The following BSN variants were observed in gnomAD, a reference collection of about 807,000 sequenced individuals.
The protein encoded by BSN is protein bassoon.
In BSN, 57 loss-of-function variants were observed where a neutral mutation model predicts 264.8. That is an observed-to-expected ratio of 0.22 (90% CI 0.17 to 0.27). BSN has a LOEUF of 0.27. Among genes scored for constraint, BSN ranks in the 10% least tolerant of loss-of-function variants. The probability of loss-of-function intolerance (pLI) is 1.00; values close to 1 mark genes in which losing one functional copy is unlikely to be tolerated. For synonymous variants in BSN, 2,059 were observed against 2,137.3 expected, an observed-to-expected ratio of 0.96 and a Z score of 1.01; for missense variants, 4,615 against 5,232.5, an observed-to-expected ratio of 0.88 and a Z score of 3.64.
At chr3:49,578,196 T>C (rs956475398) in intron 1 of BSN, among the ~76,000 whole-genome samples, 8 of 152,052 alleles carry the variant, frequency 5.3e-5, no homozygotes, top group Non-Finnish European at 1.2e-4. Flanking sequence ...GGACCGTCCT[T>C]GTTGCCCACC....
chr3:49,661,686 C>A lies in BSN; in HGVS notation c.9841C>A (p.Pro3281Thr), dbSNP rs1233278204. 1 of 1,613,750 alleles carries A rather than the reference C, an allele frequency of 6.2e-7. No homozygotes were observed. Among genetic ancestry groups the A allele is most frequent in the East Asian group, 2.2e-5 (1 of 44,890 alleles). Residue 3281 changes from proline (P) to threonine (T), a missense_variant, in exon 6 of 12, where the codon CCC becomes ACC. This residue lies in a region of BSN where 3,415 missense variants were observed against 3,866.4 expected (regional missense o/e 0.88). Coordinates refer to ENST00000296452, the MANE Select transcript of BSN (RefSeq NM_003458.4). ...AGGTGTCCTTGACGGGCCCACACTG[C>A]CCTGCTGCTATGCCAGAGGAGAAGA... is the stretch of plus-strand genomic sequence containing the variant. ...EPGVLDGPTL[P>T]CCYARGEEES...
chr3:49,662,484 G>A lies in BSN; in HGVS notation c.10639G>A (p.Gly3547Arg), dbSNP rs768379226. The change falls in exon 6 of 12, where the codon GGA (glycine) becomes AGA (arginine). Residue 3547 changes from glycine (G) to arginine (R), a missense_variant. Transcript: ENST00000296452. The part of the protein sequence containing the change: ...MPDVQEHVKD[G>R]PRAHAYKREE... ...TGATGTCCAGGAACATGTCAAGGAC[G>A]GACCTCGGGCCCACGCATATAAGCG... is the stretch of plus-strand genomic sequence containing the variant. 4 of 1,613,488 alleles carry A rather than the reference G, an allele frequency of 2.5e-6. No individual in the cohort carries two copies. The highest frequency in any genetic ancestry group is 1.6e-4 in the Middle Eastern group (1 of 6,084).
intron 1 of BSN, among the ~76,000 whole-genome samples, chr3:49,594,931 AC>A (rs2052010049): frequency 1.4e-5 from 2 of 147,754 alleles, no homozygotes; most frequent in African/African-American, 5.0e-5. Flanking sequence ...TTGCTCTGTC[AC>A]CAGGCTGGAG....
In BSN at chr3:49,651,740, G is replaced by T. The variant is rs1360722593; in HGVS notation, c.2184G>T (p.Gly728=). The T allele has an allele frequency of 6.2e-7, 1 of 1,613,702 alleles. No homozygotes were observed. Among genetic ancestry groups the T allele is most frequent in the South Asian group, 1.1e-5 (1 of 91,056 alleles). The change falls in exon 5 of 12, where the codon GGG becomes GGT. Residue 728 remains glycine, a synonymous_variant. Transcript: ENST00000296452. The surrounding 1 kb of genome is among the most constrained non-coding windows in gnomAD (Gnocchi z 5.4). The part of the protein sequence containing the change: ...PPSPSEIHKV[G]SSMRPLLQAQ... ...GCCCCTCCGAGATCCACAAGGTGGG[G>T]AGCAGCATGCGGCCTTTGCTGCAGG...
chr3:49,650,678 AC>A lies in BSN; in HGVS notation c.1591del (p.Leu531CysfsTer11). 4 of 1,609,568 alleles carry A rather than the reference AC, an allele frequency of 2.5e-6. No homozygotes were observed. The highest frequency in any genetic ancestry group is 1.3e-5 in the African/African-American group (1 of 74,606). On this transcript the variant is annotated frameshift_variant, in exon 4 of 12. Transcript: ENST00000296452. LOFTEE classifies it high-confidence loss of function. ...ACTGGAGGGCAGCCTAGGAGAGCCG[AC>A]CCCCCTGCCGCCGCCCACCTCACAG... is the stretch of plus-strand genomic sequence containing the variant. ...RLLEGSLGEP[T>X]PLPPPTSQQP...
intron 1 of BSN, among the ~76,000 whole-genome samples, chr3:49,590,876 T>C (rs1234971256): frequency 1.3e-5 from 2 of 151,346 alleles, no homozygotes; most frequent in Non-Finnish European, 2.9e-5. Flanking sequence ...GAGGCCGAGG[T>C]GGGTGGGTCA....
chr3:49,590,071 C>T (rs1198257393), intron 1 of BSN, among the ~76,000 whole-genome samples: 4 of 151,672 alleles, frequency 2.6e-5, no homozygotes, highest in Non-Finnish European at 4.4e-5. Flanking sequence ...CTCTTAACCT[C>T]GTGATCTGCC....
chr3:49,656,839 A>ACCAGGT lies in BSN; in HGVS notation c.7283_7284insCCAGGT (p.Gln2428delinsHisGlnVal), dbSNP rs774512740. 6.2e-7 allele frequency: 1 copy of ACCAGGT among 1,600,694 alleles called. No homozygotes were observed. Among genetic ancestry groups the ACCAGGT allele is most frequent in the Non-Finnish European group, 8.5e-7 (1 of 1,174,228 alleles). The stretch of plus-strand genomic sequence containing the variant: ...CAGACCATCAAGCACCATGTGCTGC[A>ACCAGGT]GCAGCAGCAAGAGGAACGCCAGGCT... On this transcript the variant is annotated protein_altering_variant, in exon 5 of 12. Coordinates refer to ENST00000296452, the MANE Select transcript of BSN (RefSeq NM_003458.4).
At chr3:49,564,971 C>G (rs1380665831) in intron 1 of BSN, among the ~76,000 whole-genome samples, 2 of 150,148 alleles carry the variant, frequency 1.3e-5, no homozygotes, top group African/African-American at 2.5e-5. Context: ...ATGAAAATTT[C>G]AAACACACAT....
chr3:49,604,460 T>G (rs2052095448), intron 1 of BSN, among the ~76,000 whole-genome samples: 1 of 152,208 alleles, frequency 6.6e-6, no homozygotes. Flanking sequence ...TAAGTGGAAT[T>G]CTACAGTATT....
At chr3:49,664,590 C>A in intron 9 of BSN, 36 bp downstream of exon 9, 1 of 1,566,250 alleles carries the variant, frequency 6.4e-7, no homozygotes, top group South Asian at 1.2e-5. Context: ...TGGTGGGTGG[C>A]TACTCTGGTA....
At chr3:49,597,225 A>G (rs1055475033) in intron 1 of BSN, among the ~76,000 whole-genome samples, 16 of 152,092 alleles carry the variant, frequency 1.1e-4, no homozygotes, top group Admixed American at 1.0e-3. Flanking sequence ...TCTGTTCTTC[A>G]GATTGCCCAG....
In BSN at chr3:49,653,371, A is replaced by G; in HGVS notation, c.3815A>G (p.Gln1272Arg). Residue 1272 changes from glutamine to arginine, a missense_variant, in exon 5 of 12, where the codon CAG (glutamine) becomes CGG (arginine). Physicochemically the swap from Gln to Arg is conservative, Grantham distance 43. Coordinates refer to ENST00000296452, the MANE Select transcript of BSN (RefSeq NM_003458.4). The surrounding 1 kb of genome is among the most constrained non-coding windows in gnomAD (Gnocchi z 6.3). ...TCACAGAGCATAGTCCGCATGCGGC[A>G]GGCCTCCTCACGAGACCTGGCTTTT... ...QTSQSIVRMR[Q>R]ASSRDLAFAE... is the part of the protein sequence containing the mutation. 3.1e-6 allele frequency: 5 copies of G among 1,613,566 alleles called. No individual in the cohort carries two copies. The highest frequency in any genetic ancestry group is 4.2e-6 in the Non-Finnish European group (5 of 1,179,898).
rs766541839 is a variant in BSN, at chr3:49,650,729, C to T, written c.1636C>T (p.Arg546Cys). 2.6e-5 allele frequency: 42 copies of T among 1,613,360 alleles called. No homozygotes were observed. The highest frequency in any genetic ancestry group is 3.2e-5 in the Non-Finnish European group (38 of 1,179,914). The stretch of plus-strand genomic sequence containing the variant: ...GCAGCCCCCTGTAGGGGCCCCTCAC[C>T]GTGCATCTGGAACATCCCCTCTGAA... The part of the protein sequence containing the change: ...SQQPPVGAPH[R>C]ASGTSPLKQK... Residue 546 changes from arginine (R) to cysteine (C), a missense_variant, in exon 4 of 12, where the codon CGT (arginine) becomes TGT (cysteine). By Grantham distance (180) the Arg-to-Cys change is radical. This residue lies in a region of BSN where 1,197 missense variants were observed against 1,348.0 expected (regional missense o/e 0.89). Transcript: ENST00000296452.
At chr3:49,597,622 C>T (rs2052034816) in intron 1 of BSN, among the ~76,000 whole-genome samples, 1 of 152,264 alleles carries the variant, frequency 6.6e-6, no homozygotes, top group South Asian at 2.1e-4. Flanking sequence ...TGAGCCACTG[C>T]ACTTGGTTCA....
intron 1 of BSN, among the ~76,000 whole-genome samples, chr3:49,615,544 T>C (rs1052645559): frequency 6.6e-6 from 1 of 152,178 alleles, no homozygotes; most frequent in Non-Finnish European, 1.5e-5. Flanking sequence ...GCATGACCTC[T>C]CACCCTGCCC....
chr3:49,653,981 C>T lies in BSN; in HGVS notation c.4425C>T (p.Ser1475=). ...QPSRAYSYFA[S]SSPPLSPSSP... is the part of the protein sequence containing the mutation. ...CCCGGGCATATTCCTACTTTGCAAG[C>T]TCCAGCCCACCTCTCTCCCCGTCTT... Residue 1475 remains serine (S), a synonymous_variant, in exon 5 of 12, where the codon AGC becomes AGT. Coordinates refer to ENST00000296452, the MANE Select transcript of BSN (RefSeq NM_003458.4). This position sits in a 1 kb window ranked among gnomAD's most constrained non-coding sequence, Gnocchi z 6.3. 6.2e-7 allele frequency: 1 copy of T among 1,614,062 alleles called. No homozygotes were observed. Among genetic ancestry groups the T allele is most frequent in the African/African-American group, 1.3e-5 (1 of 75,050 alleles).
intron 1 of BSN, among the ~76,000 whole-genome samples, chr3:49,605,291 AT>A (rs1247551229): frequency 0.013 from 1,354 of 104,412 alleles, 43 homozygotes; most frequent in African/African-American, 0.048. Context: ...ATACATATAT[AT>A]TTTATATATT....
At chr3:49,599,299 T>G (rs2052052533) in intron 1 of BSN, among the ~76,000 whole-genome samples, 1 of 152,104 alleles carries the variant, frequency 6.6e-6, no homozygotes, top group African/African-American at 2.4e-5. Context: ...ACAGCCTTCC[T>G]AATCCCTGGG....
Sources: gnomAD v4.1 joint callset for allele counts (sites outside exome capture counted in the v4.1 genomes callset) on GRCh38, gnomAD v4.1.1 for gene constraint, gnomAD v4.1.1 regional missense constraint, Gnocchi (gnomAD v3.1) non-coding constraint, MANE v1.5 for transcripts, NCBI Gene and HGNC (gene_info 2026-07-23, HGNC 2026-07-21) for gene names.